The following CHRM3 variants were observed in gnomAD, a reference collection of about 807,000 sequenced individuals.
CHRM3 encodes the protein cholinergic receptor muscarinic 3.
A neutral mutation model predicts 41.8 loss-of-function variants in CHRM3; 11 were observed. That is an observed-to-expected ratio of 0.26 (90% CI 0.17 to 0.44). The LOEUF (loss-of-function observed/expected upper bound fraction) is 0.44, where lower values mean the gene tolerates loss of function less well. Among genes scored for constraint, CHRM3 ranks in the 20% least tolerant of loss-of-function variants. CHRM3 has a pLI of 1.00. For synonymous variants in CHRM3, 297 were observed against 301.4 expected (o/e 0.99, Z 0.15); for missense variants, 571 against 745.4 (o/e 0.77, Z 2.72).
At chr1:239,675,016 C>T (rs371757734) in intron 4 of CHRM3, among the ~76,000 whole-genome samples, 6 of 152,048 alleles carry the variant, frequency 3.9e-5, no homozygotes, top group African/African-American at 1.4e-4. Context: ...ATTATCCATT[C>T]GAGTTCTTTT....
intron 5 of CHRM3, among the ~76,000 whole-genome samples, chr1:239,801,725 A>G (rs1357426801): frequency 6.6e-6 from 1 of 152,204 alleles, no homozygotes; most frequent in African/African-American, 2.4e-5. Context: ...CATTCCTTAC[A>G]TAAAAAGAAT....
intron 5 of CHRM3, among the ~76,000 whole-genome samples, chr1:239,731,335 G>A (rs1041783450): frequency 6.6e-6 from 1 of 151,884 alleles, no homozygotes; most frequent in African/African-American, 2.4e-5. Flanking sequence ...GAACATAGCC[G>A]GCCTGAGGAT....
chr1:239,579,351 T>C (rs1345988333), intron 3 of CHRM3, among the ~76,000 whole-genome samples: 2 of 152,232 alleles, frequency 1.3e-5, no homozygotes, highest in Non-Finnish European at 2.9e-5. Context: ...CAGAATAATT[T>C]CTGGAATATT....
chr1:239,654,920 A>G (rs1672579143), intron 4 of CHRM3, among the ~76,000 whole-genome samples: 1 of 152,240 alleles, frequency 6.6e-6, no homozygotes, highest in East Asian at 1.9e-4. Context: ...TCCCTTTCTA[A>G]TAGATTCACA....
chr1:239,575,245 A>AT (rs1323120085), intron 3 of CHRM3, among the ~76,000 whole-genome samples: 1 of 152,182 alleles, frequency 6.6e-6, no homozygotes, highest in Non-Finnish European at 1.5e-5. Flanking sequence ...GCACCTTCAC[A>AT]TAAAAAAAGG....
chr1:239,834,828 A>G (rs1048900591), intron 6 of CHRM3, among the ~76,000 whole-genome samples: 1 of 152,140 alleles, frequency 6.6e-6, no homozygotes, highest in Non-Finnish European at 1.5e-5. Context: ...ACCACACTCA[A>G]TGTAACAAAG....
intron 4 of CHRM3, among the ~76,000 whole-genome samples, chr1:239,668,195 C>T (rs1207845450): frequency 1.4e-5 from 2 of 147,506 alleles, no homozygotes; most frequent in Non-Finnish European, 3.0e-5. Context: ...GCCTCCGAGG[C>T]CCAAGCAATT....
At chr1:239,842,334 A>G (rs554042243) in intron 6 of CHRM3, among the ~76,000 whole-genome samples, 6 of 151,950 alleles carry the variant, frequency 3.9e-5, no homozygotes, top group African/African-American at 1.4e-4. Context: ...CTCCCGGTTC[A>G]AGTGATTCTC....
chr1:239,880,811 T>C (rs1461288632), intron 6 of CHRM3, among the ~76,000 whole-genome samples: 1 of 152,140 alleles, frequency 6.6e-6, no homozygotes, highest in African/African-American at 2.4e-5. Context: ...ATGTAGGTTT[T>C]AAAATCAACT....
At chr1:239,521,022 T>C (rs956921282) in intron 2 of CHRM3, among the ~76,000 whole-genome samples, 25 of 152,276 alleles carry the variant, frequency 1.6e-4, no homozygotes, top group Non-Finnish European at 2.2e-4. Flanking sequence ...GGATTGGCAG[T>C]GTGTGTAAAA....
At chr1:239,663,351 G>A (rs1027571344) in intron 4 of CHRM3, among the ~76,000 whole-genome samples, 1 of 152,116 alleles carries the variant, frequency 6.6e-6, no homozygotes, top group African/African-American at 2.4e-5. Context: ...TTAAATTCCT[G>A]AGTTTCTGCA....
chr1:239,697,758 A>G (rs1003431978), intron 5 of CHRM3, among the ~76,000 whole-genome samples: 1 of 152,212 alleles, frequency 6.6e-6, no homozygotes, highest in Non-Finnish European at 1.5e-5. Flanking sequence ...CTTAGGGTAG[A>G]GTTACAGTGG....
intron 5 of CHRM3, among the ~76,000 whole-genome samples, chr1:239,786,373 A>G (rs1350385191): frequency 6.6e-6 from 1 of 152,152 alleles, no homozygotes. Context: ...TAAACATTCC[A>G]TGTGTATTTC....
At chr1:239,465,167 C>CA (rs1340128671) in intron 1 of CHRM3, among the ~76,000 whole-genome samples, 3 of 152,080 alleles carry the variant, frequency 2.0e-5, no homozygotes, top group African/African-American at 7.2e-5. Flanking sequence ...ATCTATTAAA[C>CA]ACGCATGGAT....
At chr1:239,678,802 A>G (rs1299849795) in intron 5 of CHRM3, among the ~76,000 whole-genome samples, 1 of 152,196 alleles carries the variant, frequency 6.6e-6, no homozygotes, top group Admixed American at 6.5e-5. Flanking sequence ...CTCAAACACT[A>G]AGATTTTGTG....
intron 3 of CHRM3, among the ~76,000 whole-genome samples, chr1:239,588,266 C>T (rs897326274): frequency 1.3e-5 from 2 of 152,104 alleles, no homozygotes; most frequent in African/African-American, 4.8e-5. Context: ...GATCAGCCTC[C>T]GCATGGTTCT....
chr1:239,429,312 G>C (rs1335682060), intron 1 of CHRM3, among the ~76,000 whole-genome samples: 1 of 152,140 alleles, frequency 6.6e-6, no homozygotes, highest in Non-Finnish European at 1.5e-5. Context: ...AATGAACAAA[G>C]TGACTTGAAA....
chr1:239,737,846 G>A (rs1408482197), intron 5 of CHRM3, among the ~76,000 whole-genome samples: 1 of 152,126 alleles, frequency 6.6e-6, no homozygotes, highest in Admixed American at 6.6e-5. Flanking sequence ...ATCTCAGAGA[G>A]TCAACAACTG....
In CHRM3 at chr1:239,907,138, C is replaced by A. The variant is rs536877153; in HGVS notation, c.-19-295C>A. Among the ~76,000 whole-genome samples the A allele has an allele frequency of 6.6e-6, 1 of 152,008 alleles. No homozygotes were observed. Among genetic ancestry groups the A allele is most frequent in the Non-Finnish European group, 1.5e-5 (1 of 68,010 alleles). On this transcript the variant is annotated intron_variant, in intron 6 of 6. Coordinates refer to ENST00000676153, the MANE Select transcript of CHRM3 (RefSeq NM_001375978.1). The surrounding 1 kb of genome is among the most constrained non-coding windows in gnomAD (Gnocchi z 5.4). ...CTTTACAAAATAAGAGAAGTAAGGG[C>A]GATTTTGTCTAGTAACAGAATTACA...
Sources: allele counts gnomAD v4.1 joint callset (sites outside exome capture counted in the v4.1 genomes callset), GRCh38; gene constraint gnomAD v4.1.1; non-coding constraint Gnocchi (gnomAD v3.1); transcripts MANE v1.5; gene names NCBI Gene and HGNC (gene_info 2026-07-23, HGNC 2026-07-21).